Variants in THADA observed in about 807,000 individuals in gnomAD.
The protein encoded by THADA is THADA armadillo repeat containing.
THADA carries 213 observed loss-of-function variants against 219.8 expected under a neutral mutation model. The observed-to-expected ratio is 0.97, with a 90% CI of 0.87 to 1.09. The LOEUF (loss-of-function observed/expected upper bound fraction) is 1.09, where lower values mean the gene tolerates loss of function less well. THADA is among the 50% of genes least tolerant of loss of function. The pLI is 0.00. For synonymous variants in THADA, 1,018 were observed against 828.9 expected, an observed-to-expected ratio of 1.23 and a Z score of -3.92; for missense variants, 2,956 against 2,311.3, an observed-to-expected ratio of 1.28 and a Z score of -5.72.
chr2:43,586,555 G>A lies in THADA; in HGVS notation c.485-106C>T, dbSNP rs1314426346. The A allele has an allele frequency of 1.1e-5, 15 of 1,326,908 alleles. No homozygotes were observed. In the South Asian group the frequency reaches 1.9e-4, roughly 17 times the overall value. 82.2% of individuals were successfully genotyped at this position (1,326,908 alleles called of 1,614,324 possible). A position where few individuals can be genotyped will look rare whatever the true frequency, so the allele number is the denominator to read the frequency against. On this transcript the variant is annotated intron_variant, in intron 6 of 37. Coordinates refer to ENST00000405975, the MANE Select transcript of THADA (RefSeq NM_022065.5). ...GTTATCCAAAATGATATCATGATAT[G>A]GAAACAAAAATTTAAAAGGAAGGGT...
In THADA at chr2:43,592,323, A is replaced by T; in HGVS notation, c.70T>A (p.Leu24Met). The stretch of plus-strand genomic sequence containing the variant: ...GAAACCAGAAGTCACCTACATTTCA[A>T]AGTTTCAAGGTCCTGATGGCAAATG... ...LTICHQDLET[L>M]KSFADVEGKN... The change falls in exon 2 of 38, where the codon TTG becomes ATG. Residue 24 changes from leucine (L) to methionine (M), a missense_variant. Coordinates refer to ENST00000405975, the MANE Select transcript of THADA (RefSeq NM_022065.5). 1 of 1,602,646 alleles carries T rather than the reference A, an allele frequency of 6.2e-7. No individual in the cohort carries two copies. Among genetic ancestry groups the T allele is most frequent in the Non-Finnish European group, 8.5e-7 (1 of 1,175,142 alleles).
chr2:43,231,202 G>C lies in THADA; in HGVS notation c.5608C>G (p.His1870Asp), dbSNP rs1237977574. 2.5e-6 allele frequency: 4 copies of C among 1,613,938 alleles called. No homozygotes were observed. The highest frequency in any genetic ancestry group is 3.4e-6 in the Non-Finnish European group (4 of 1,179,834). The change falls in exon 38 of 38, where the codon CAC becomes GAC. Residue 1870 changes from histidine to aspartate, a missense_variant. His to Asp is a moderately conservative substitution (Grantham distance 81). Transcript: ENST00000405975. ...WRPPSPEMLC[H>D]LQRMVSEQCH... is the part of the protein sequence containing the mutation. The stretch of plus-strand genomic sequence containing the variant: ...TGCTCTGACACCATCCTTTGAAGGT[G>C]ACAGAGCATCTCAGGGCTTGGGGGA...
chr2:43,291,598 G>T, intron 34 of THADA, 98 bp downstream of exon 34: 1 of 771,046 alleles, frequency 1.3e-6, no homozygotes, highest in Non-Finnish European at 2.0e-6. Flanking sequence ...ATATCACAGG[G>T]GTTCTGCCTG....
chr2:43,580,778 G>A (rs752895869), intron 8 of THADA, among the ~76,000 whole-genome samples: 12 of 151,994 alleles, frequency 7.9e-5, no homozygotes, highest in South Asian at 2.1e-4. Context: ...TACTCGGGAG[G>A]CTGAGGCAAG....
At chr2:43,289,352 C>A (rs1327298518) in intron 34 of THADA, among the ~76,000 whole-genome samples, 3 of 152,176 alleles carry the variant, frequency 2.0e-5, no homozygotes, top group Non-Finnish European at 4.4e-5. Context: ...ACTAATGATT[C>A]CTTTGATCAT....
At chr2:43,455,528 AC>A (rs1682883446) in intron 26 of THADA, among the ~76,000 whole-genome samples, 1 of 152,028 alleles carries the variant, frequency 6.6e-6, no homozygotes, top group Non-Finnish European at 1.5e-5. Flanking sequence ...TCACACACAC[AC>A]ACACACACAC....
chr2:43,303,866 A>C (rs943054347), intron 31 of THADA, among the ~76,000 whole-genome samples: 2 of 152,042 alleles, frequency 1.3e-5, no homozygotes, highest in Non-Finnish European at 2.9e-5. Flanking sequence ...TGCTCACCCC[A>C]AGTTTCTAAT....
intron 20 of THADA, among the ~76,000 whole-genome samples, chr2:43,548,515 C>T (rs905723701): frequency 1.3e-5 from 2 of 152,190 alleles, no homozygotes; most frequent in Non-Finnish European, 2.9e-5. Flanking sequence ...CTGTGGTGGG[C>T]TCCACCCAGT....
chr2:43,365,048 C>G (rs937748299), intron 29 of THADA, among the ~76,000 whole-genome samples: 1 of 151,272 alleles, frequency 6.6e-6, no homozygotes, highest in African/African-American at 2.4e-5. Flanking sequence ...ACCTCCGCCT[C>G]CCGAGTAGCT....
At chr2:43,567,157 C>A (rs934571278) in intron 14 of THADA, among the ~76,000 whole-genome samples, 2 of 151,694 alleles carry the variant, frequency 1.3e-5, no homozygotes, top group Admixed American at 1.3e-4. Flanking sequence ...TACCAAAGAT[C>A]CCTGCATTCA....
intron 9 of THADA, among the ~76,000 whole-genome samples, chr2:43,578,149 T>G (rs1700050012): frequency 6.6e-6 from 1 of 151,746 alleles, no homozygotes; most frequent in African/African-American, 2.4e-5. Flanking sequence ...TTAAAAATAT[T>G]TTTAATTTTT....
chr2:43,375,415 T>A (rs1328536582), intron 29 of THADA, among the ~76,000 whole-genome samples: 1 of 152,224 alleles, frequency 6.6e-6, no homozygotes, highest in Non-Finnish European at 1.5e-5. Context: ...ATGAAGTAAG[T>A]ATAATATAAC....
At chr2:43,543,517 C>G (rs1695598442) in intron 20 of THADA, among the ~76,000 whole-genome samples, 1 of 150,926 alleles carries the variant, frequency 6.6e-6, no homozygotes, top group Non-Finnish European at 1.5e-5. Flanking sequence ...CCTATTTCTC[C>G]ACATCCTCTC....
At chr2:43,316,467 C>G (rs1678094810) in intron 31 of THADA, among the ~76,000 whole-genome samples, 1 of 152,168 alleles carries the variant, frequency 6.6e-6, no homozygotes, top group South Asian at 2.1e-4. Flanking sequence ...AAGTGGACTC[C>G]TGACATTCTA....
intron 28 of THADA, among the ~76,000 whole-genome samples, chr2:43,424,437 G>A (rs1053868554): frequency 2.0e-5 from 3 of 151,990 alleles, no homozygotes; most frequent in South Asian, 2.1e-4. Flanking sequence ...CCTTAACAAC[G>A]GTACAAAAAT....
intron 36 of THADA, among the ~76,000 whole-genome samples, chr2:43,252,911 T>C (rs1483045357): frequency 1.3e-5 from 2 of 152,242 alleles, no homozygotes; most frequent in Non-Finnish European, 2.9e-5. Flanking sequence ...CTTTTCTTCC[T>C]ATTCTGGTGA....
At chr2:43,388,675 T>C (rs564361348) in intron 29 of THADA, among the ~76,000 whole-genome samples, 8 of 152,228 alleles carry the variant, frequency 5.3e-5, no homozygotes, top group African/African-American at 1.9e-4. Context: ...TCAGCTCTTA[T>C]AATCTTTAAC....
chr2:43,458,835 T>C (rs1275244523), intron 26 of THADA, among the ~76,000 whole-genome samples: 1 of 152,204 alleles, frequency 6.6e-6, no homozygotes, highest in Non-Finnish European at 1.5e-5. Context: ...TGGTTATGTA[T>C]GTGAAAATGT....
chr2:43,362,636 A>G (rs992728784), intron 29 of THADA, among the ~76,000 whole-genome samples: 1 of 152,172 alleles, frequency 6.6e-6, no homozygotes, highest in Non-Finnish European at 1.5e-5. Context: ...ACATCATTGT[A>G]CACCACCGTA....
Sources: allele counts gnomAD v4.1 joint callset (sites outside exome capture counted in the v4.1 genomes callset), GRCh38; gene constraint gnomAD v4.1.1; transcripts MANE v1.5; gene names NCBI Gene and HGNC (gene_info 2026-07-23, HGNC 2026-07-21).